The following ADSS1 variants were observed in gnomAD, a reference collection of about 807,000 sequenced individuals.
ADSS1 encodes adenylosuccinate synthase 1, also known as adenylosuccinate synthetase isozyme 1.
In ADSS1, 57 loss-of-function variants were observed where a neutral mutation model predicts 59.1. The observed-to-expected ratio is 0.97, with a 90% confidence interval of 0.78 to 1.20. The LOEUF is 1.20. Ranked by LOEUF, ADSS1 falls within the 50% of genes most tolerant of loss-of-function variation. ADSS1 has a pLI of 0.00. For missense variants in ADSS1, 603 were observed against 610.3 expected, an observed-to-expected ratio of 0.99 and a Z score of 0.13; for synonymous variants, 247 against 249.4, an observed-to-expected ratio of 0.99 and a Z score of 0.09.
In ADSS1 at chr14:104,740,280, C is replaced by A. The variant is rs1052866491; in HGVS notation, c.477-321C>A. 2.6e-5 allele frequency among the ~76,000 whole-genome samples: 4 copies of A among 151,984 alleles called. No homozygotes were observed. Among genetic ancestry groups the A allele is most frequent in the Non-Finnish European group, 4.4e-5 (3 of 68,004 alleles). ...ACACACTCATGCTCTTACATACACA[C>A]CACACGCCCACGCATGCTCGCACAG... is the stretch of plus-strand genomic sequence containing the variant. On this transcript the variant is annotated intron_variant, in intron 5 of 12. Coordinates refer to ENST00000330877, the MANE Select transcript of ADSS1 (RefSeq NM_152328.5). The surrounding 1 kb of genome is among the most constrained non-coding windows in gnomAD (Gnocchi z 4.8).
rs563631311 is a variant in ADSS1, at chr14:104,741,204, G to A, written c.754G>A (p.Val252Met). ...ALHGPPKKIL[V>M]EGANAALLDI... ...CCACGGCCCCCCCAAGAAGATCCTG[G>A]TGGAGGGTGCCAACGCCGCCCTCCT... Residue 252 changes from valine to methionine, a missense_variant, in exon 8 of 13, where the codon GTG (valine) becomes ATG (methionine). Coordinates refer to ENST00000330877, the MANE Select transcript of ADSS1 (RefSeq NM_152328.5). The A allele has an allele frequency of 9.3e-6, 15 of 1,610,996 alleles. No individual in the cohort carries two copies. The highest frequency in any genetic ancestry group is 8.4e-5 in the Admixed American group (5 of 59,428).
At position 104,746,324 on chromosome 14, in the gene ADSS1, G is replaced by C; in HGVS notation, c.1260G>C (p.Glu420Asp). Residue 420 changes from glutamate to aspartate, a missense_variant, in exon 12 of 13, where the codon GAG becomes GAC. Coordinates refer to ENST00000330877, the MANE Select transcript of ADSS1 (RefSeq NM_152328.5). The part of the protein sequence containing the change: ...KADTTGARRW[E>D]DLPPQAQNYI... The stretch of plus-strand genomic sequence containing the variant: ...ACACCACAGGCGCCAGGAGGTGGGA[G>C]GACCTGCCCCCACAGGCCCAGAACT... 6.2e-7 allele frequency: 1 copy of C among 1,613,878 alleles called. No homozygotes were observed. The highest frequency in any genetic ancestry group is 8.5e-7 in the Non-Finnish European group (1 of 1,179,978).
In ADSS1 at chr14:104,747,085, C is replaced by G; in HGVS notation, c.*82C>G. The G allele has an allele frequency of 1.6e-6, 2 of 1,251,136 alleles. No individual in the cohort carries two copies. Among genetic ancestry groups the G allele is most frequent in the East Asian group, 4.9e-5 (2 of 40,930 alleles). The allele number at this position is 1,251,136 out of a possible 1,614,324, so 77.5% of individuals were successfully genotyped here. A position where few individuals can be genotyped will look rare whatever the true frequency, so the allele number is the denominator to read the frequency against. ...CAGCAGTCACGTTCCTCGGCCGCCA[C>G]AACCAACACCAAAGCAGGAAAACCA... is the stretch of plus-strand genomic sequence containing the variant. On this transcript the variant is annotated 3_prime_UTR_variant, in exon 13 of 13. Transcript: ENST00000330877.
Position 104,746,313 on chromosome 14 carries a change from A to T in ADSS1, c.1249A>T (p.Arg417Trp), listed in dbSNP as rs1470435167. The change falls in exon 12 of 13, where the codon AGG becomes TGG. Residue 417 changes from arginine to tryptophan, a missense_variant. By Grantham distance (101) the Arg-to-Trp change is moderately radical. Coordinates refer to ENST00000330877, the MANE Select transcript of ADSS1 (RefSeq NM_152328.5). ...PGWKADTTGA[R>W]RWEDLPPQAQ... ...GTGGAAAGCAGACACCACAGGCGCC[A>T]GGAGGTGGGAGGACCTGCCCCCACA... is the stretch of plus-strand genomic sequence containing the variant. The T allele has an allele frequency of 2.5e-6, 4 of 1,613,694 alleles. No homozygotes were observed. In the African/African-American group the frequency reaches 5.3e-5, roughly 22 times the overall value.
rs374287153 is a variant in ADSS1 at position 104,741,131 on chromosome 14, G to A, written c.681G>A (p.Arg227=). Residue 227 remains arginine (R), a synonymous_variant, in exon 8 of 13, where the codon CGG becomes CGA. Transcript: ENST00000330877. ...QLKRLKGFAE[R]IRPMVRDGVY... The stretch of plus-strand genomic sequence containing the variant: ...CTTCCTTGCAGGGCTTTGCTGAGCG[G>A]ATCAGACCCATGGTCCGAGATGGTG... 11 of 1,607,842 alleles carry A rather than the reference G, an allele frequency of 6.8e-6. No homozygotes were observed. The highest frequency in any genetic ancestry group is 9.4e-6 in the Non-Finnish European group (11 of 1,176,318).
Position 104,739,344 on chromosome 14 carries a change from G to A in ADSS1, c.375G>A (p.Glu125=), listed in dbSNP as rs1233793964. The part of the protein sequence containing the change: ...KNEKKGLKDW[E]KRLIISDRAH... Reference sequence around the variant, plus strand: ...TCCCCGCAGGCCTGAAGGACTGGGAGAAGAGGCTCATCATCTCTGACAGAG... The same window carrying A: ...TCCCCGCAGGCCTGAAGGACTGGGAAAAGAGGCTCATCATCTCTGACAGAG... Residue 125 remains glutamate, a synonymous_variant, in exon 4 of 13, where the codon GAG becomes GAA. Coordinates refer to ENST00000330877, the MANE Select transcript of ADSS1 (RefSeq NM_152328.5). 1 of 1,609,258 alleles carries A rather than the reference G, an allele frequency of 6.2e-7. No homozygotes were observed. The highest frequency in any genetic ancestry group is 8.5e-7 in the Non-Finnish European group (1 of 1,178,134).
At chr14:104,744,272 G>A (rs976496038) in intron 10 of ADSS1, 2 of 154,248 alleles carry the variant, frequency 1.3e-5, no homozygotes, top group Admixed American at 1.3e-4. Flanking sequence ...GACTTGGAAA[G>A]GCAGAGATGA....
chr14:104,725,284 C>T (rs1435051782), intron 1 of ADSS1, among the ~76,000 whole-genome samples: 1 of 152,232 alleles, frequency 6.6e-6, no homozygotes, highest in Non-Finnish European at 1.5e-5. Flanking sequence ...TGCCCCATGC[C>T]AGGGCAGCCA....
At chr14:104,725,226 C>T (rs1191854322) in intron 1 of ADSS1, among the ~76,000 whole-genome samples, 1 of 152,178 alleles carries the variant, frequency 6.6e-6, no homozygotes, top group Non-Finnish European at 1.5e-5. Context: ...TCTGTTCTGA[C>T]TGAGCTGCAC....
Position 104,747,146 on chromosome 14 carries a change from G to C in ADSS1, c.*143G>C, listed in dbSNP as rs1891595809. 1 of 687,916 alleles carries C rather than the reference G, an allele frequency of 1.5e-6. No individual in the cohort carries two copies. Among genetic ancestry groups the C allele is most frequent in the African/African-American group, 1.8e-5 (1 of 55,032 alleles). 42.6% of individuals were successfully genotyped at this position (687,916 alleles called of 1,614,324 possible). A position where few individuals can be genotyped will look rare whatever the true frequency, so the allele number is the denominator to read the frequency against. On this transcript the variant is annotated 3_prime_UTR_variant, in exon 13 of 13. Coordinates refer to ENST00000330877, the MANE Select transcript of ADSS1 (RefSeq NM_152328.5). ...TTTTATATTTCTGTTCAACCTGTTG[G>C]TTTCTACAATGATTTTAAACATTGG...
At chr14:104,724,507 C>A in intron 1 of ADSS1, 45 bp downstream of exon 1, 1 of 1,222,924 alleles carries the variant, frequency 8.2e-7, no homozygotes, top group Non-Finnish European at 1.0e-6. Flanking sequence ...CCCAGCGAGC[C>A]CCCCTCCCCC....
chr14:104,724,288 C>T lies in ADSS1; in HGVS notation c.18C>T (p.Ala6=). Reference sequence around the variant, plus strand: ...AAGCCAGCATGTCGGGGACCCGAGCCTCCAACGACCGGCCCCCCGGCGCAG... The same window carrying T: ...AAGCCAGCATGTCGGGGACCCGAGCTTCCAACGACCGGCCCCCCGGCGCAG... MSGTR[A]SNDRPPGAGG... The change falls in exon 1 of 13, where the codon GCC becomes GCT. Residue 6 remains alanine (A), a synonymous_variant. Coordinates refer to ENST00000330877, the MANE Select transcript of ADSS1 (RefSeq NM_152328.5). 1 of 1,231,540 alleles carries T rather than the reference C, an allele frequency of 8.1e-7. No individual in the cohort carries two copies. Among genetic ancestry groups the T allele is most frequent in the Non-Finnish European group, 1.0e-6 (1 of 986,022 alleles). The allele number at this position is 1,231,540 out of a possible 1,614,324, so 76.3% of individuals were successfully genotyped here. A position where few individuals can be genotyped will look rare whatever the true frequency, so the allele number is the denominator to read the frequency against.
chr14:104,726,006 C>A (rs1477082708), intron 1 of ADSS1, among the ~76,000 whole-genome samples: 1 of 152,206 alleles, frequency 6.6e-6, no homozygotes, highest in Non-Finnish European at 1.5e-5. Context: ...CCCACAGCCC[C>A]GCTCACTCGC....
At chr14:104,728,035 T>C (rs527370015) in intron 1 of ADSS1, among the ~76,000 whole-genome samples, 1 of 152,316 alleles carries the variant, frequency 6.6e-6, no homozygotes, top group Non-Finnish European at 1.5e-5. Flanking sequence ...TGGAAAGCTA[T>C]GGCCATGTAT....
At chr14:104,732,521 G>A (rs908759955) in intron 1 of ADSS1, among the ~76,000 whole-genome samples, 4 of 152,190 alleles carry the variant, frequency 2.6e-5, no homozygotes, top group Admixed American at 6.5e-5. Context: ...GGGTGGCCTG[G>A]CACTGGCCCT....
Position 104,739,369 on chromosome 14 carries a change from G to A in ADSS1, c.400G>A (p.Ala134Thr). Reference protein sequence around the residue: ...WEKRLIISDRAHLVFDFHQAV... With the variant: ...WEKRLIISDRTHLVFDFHQAV... ...GAAGAGGCTCATCATCTCTGACAGAGCCCACCTTGGTACGTTTCCCACTGG... is the reference window on the plus strand; with the variant it reads ...GAAGAGGCTCATCATCTCTGACAGAACCCACCTTGGTACGTTTCCCACTGG... Residue 134 changes from alanine (A) to threonine (T), a missense_variant, in exon 4 of 13, where the codon GCC (alanine) becomes ACC (threonine). Coordinates refer to ENST00000330877, the MANE Select transcript of ADSS1 (RefSeq NM_152328.5). 6.2e-6 allele frequency: 10 copies of A among 1,606,698 alleles called. No individual in the cohort carries two copies. Among genetic ancestry groups the A allele is most frequent in the Non-Finnish European group, 8.5e-6 (10 of 1,176,952 alleles).
At chr14:104,738,849 T>C (rs1168789093) in intron 3 of ADSS1, among the ~76,000 whole-genome samples, 1 of 152,094 alleles carries the variant, frequency 6.6e-6, no homozygotes, top group Non-Finnish European at 1.5e-5. Context: ...AGACCTAGTG[T>C]GGGCAGGGAC....
chr14:104,746,888 G>A lies in ADSS1; in HGVS notation c.1322-63G>A, dbSNP rs530735842. The A allele has an allele frequency of 9.6e-6, 15 of 1,561,114 alleles. No individual in the cohort carries two copies. In the African/African-American group the frequency reaches 1.8e-4, roughly 18 times the overall value. The stretch of plus-strand genomic sequence containing the variant: ...CTACACAGAAAGATACGACACTAAA[G>A]ACAACTTTTTCTGAACTTTCTGCCT... On this transcript the variant is annotated intron_variant, in intron 12 of 12. Transcript: ENST00000330877.
At chr14:104,731,810 T>C (rs1890942721) in intron 1 of ADSS1, among the ~76,000 whole-genome samples, 1 of 152,190 alleles carries the variant, frequency 6.6e-6, no homozygotes, top group East Asian at 1.9e-4. Flanking sequence ...GGCTCGGCAC[T>C]GGGGGGATGG....
Sources: allele counts gnomAD v4.1 joint callset (sites outside exome capture counted in the v4.1 genomes callset), GRCh38; gene constraint gnomAD v4.1.1; non-coding constraint Gnocchi (gnomAD v3.1); transcripts MANE v1.5; gene names NCBI Gene and HGNC (gene_info 2026-07-23, HGNC 2026-07-21).